Variants in ITGAL observed in about 807,000 individuals in gnomAD.
ITGAL encodes the protein integrin subunit alpha L.
Under a neutral mutation model 138.4 loss-of-function variants are expected in ITGAL, and 68 were observed. The ratio of observed to expected loss-of-function variants is 0.49; its 90% CI spans 0.40 to 0.60. The LOEUF is 0.60. Ranked by LOEUF, ITGAL falls within the 20% of genes least tolerant of loss-of-function variation. The pLI is 0.00. For synonymous variants in ITGAL, 561 were observed against 584.3 expected, an observed-to-expected ratio of 0.96 and a Z score of 0.57; for missense variants, 1,256 against 1,478.6, an observed-to-expected ratio of 0.85 and a Z score of 2.47.
chr16:30,505,379 G>T lies in ITGAL; in HGVS notation c.2293-10G>T, dbSNP rs751799426. ...CTGAGCCTGTTACTCCTTTCTTCTT[G>T]GTGTTTCAGATCCCTTTTGAGAAGA... On this transcript the variant is annotated splice_polypyrimidine_tract_variant and intron_variant, in intron 19 of 30. Coordinates refer to ENST00000356798, the MANE Select transcript of ITGAL (RefSeq NM_002209.3). The T allele has an allele frequency of 6.8e-6, 11 of 1,613,948 alleles. No homozygotes were observed. In the East Asian group the frequency reaches 2.5e-4, roughly 36 times the overall value.
chr16:30,503,985 G>A (rs1464674329), intron 17 of ITGAL, 190 bp from the exon 18 acceptor site: 1 of 524,218 alleles, frequency 1.9e-6, no homozygotes, highest in South Asian at 2.3e-5. Flanking sequence ...GATGATAACT[G>A]TGCTGAGAAG....
At chr16:30,476,903 G>C (rs145582121) in intron 4 of ITGAL, among the ~76,000 whole-genome samples, 58 of 152,162 alleles carry the variant, frequency 3.8e-4, no homozygotes, top group African/African-American at 1.3e-3. Context: ...CAAAATGCTG[G>C]GATTACAGGC....
chr16:30,521,798 C>A lies in ITGAL; in HGVS notation c.*133C>A. The A allele has an allele frequency of 1.2e-6, 1 of 838,334 alleles. No individual in the cohort carries two copies. Among genetic ancestry groups the A allele is most frequent in the Non-Finnish European group, 1.8e-6 (1 of 552,400 alleles). 51.9% of individuals were successfully genotyped at this position (838,334 alleles called of 1,614,324 possible). A position where few individuals can be genotyped will look rare whatever the true frequency, so the allele number is the denominator to read the frequency against. On this transcript the variant is annotated 3_prime_UTR_variant, in exon 31 of 31. Coordinates refer to ENST00000356798, the MANE Select transcript of ITGAL (RefSeq NM_002209.3). ...TCCCTGGCCCTCAGTTTCCCTATCT[C>A]GAACATGGAACTCATTCCTGCCTGT...
At chr16:30,485,687 TTTTTTTTTGTA>T (rs1215678328) in intron 9 of ITGAL, among the ~76,000 whole-genome samples, 234 of 151,738 alleles carry the variant, frequency 1.5e-3, no homozygotes, top group African/African-American at 4.9e-3. Context: ...AATTTTTTTT[TTTTTTTTTGTA>T]TTTTTTGTAT....
chr16:30,473,384 G>A (rs536406832), intron 1 of ITGAL, among the ~76,000 whole-genome samples: 22 of 152,360 alleles, frequency 1.4e-4, no homozygotes, highest in African/African-American at 4.8e-4. Context: ...AGTGAGCCAA[G>A]CTCGTGCCAA....
chr16:30,488,983 C>T, intron 9 of ITGAL, 99 bp from the exon 10 acceptor site: 3 of 1,017,118 alleles, frequency 2.9e-6, no homozygotes, highest in Non-Finnish European at 4.7e-6. Context: ...TCTACCTTAC[C>T]CAGAAGTAAA....
At chr16:30,495,558 G>A (rs1048282680) in intron 13 of ITGAL, among the ~76,000 whole-genome samples, 2 of 152,114 alleles carry the variant, frequency 1.3e-5, no homozygotes, top group African/African-American at 2.4e-5. Context: ...CCTGGGGTGC[G>A]GTGGCTCATG....
At chr16:30,495,411 G>A (rs543261503) in intron 13 of ITGAL, among the ~76,000 whole-genome samples, 4 of 152,206 alleles carry the variant, frequency 2.6e-5, no homozygotes, top group South Asian at 2.1e-4. Context: ...CACCCGCCTC[G>A]GCCTCCCAAA....
In ITGAL at chr16:30,517,822, G is replaced by A. The variant is rs59353760; in HGVS notation, c.3059G>A (p.Arg1020His). ...AEPCLPGALF[R>H]CPVVFRQEIL... ...CCTTGTCTCCCCGGAGCCCTGTTCCGCTGCCCTGTTGTCTTCAGGCAGGAG... is the reference window on the plus strand; with the variant it reads ...CCTTGTCTCCCCGGAGCCCTGTTCCACTGCCCTGTTGTCTTCAGGCAGGAG... The change falls in exon 28 of 31, where the codon CGC (arginine) becomes CAC (histidine). Residue 1020 changes from arginine to histidine, a missense_variant. Around this residue, in one of 3 missense-constraint regions of ITGAL, gnomAD observed 867 missense variants for 972.5 expected, o/e 0.89. Coordinates refer to ENST00000356798, the MANE Select transcript of ITGAL (RefSeq NM_002209.3). 2,551 of 1,614,118 alleles carry A rather than the reference G, an allele frequency of 1.6e-3. 35 individuals are homozygous for A. The African/African-American group carries it at 0.028, about 18-fold the overall frequency.
At chr16:30,478,200 G>C (rs1361014382) in intron 4 of ITGAL, among the ~76,000 whole-genome samples, 1 of 151,296 alleles carries the variant, frequency 6.6e-6, no homozygotes, top group Non-Finnish European at 1.5e-5. Flanking sequence ...TGGGCGTGGT[G>C]GTGGGCACCT....
At chr16:30,500,560 T>A (rs990288559) in intron 17 of ITGAL, among the ~76,000 whole-genome samples, 3 of 151,676 alleles carry the variant, frequency 2.0e-5, no homozygotes, top group Non-Finnish European at 2.9e-5. Context: ...ATTAAAAAAA[T>A]TTTTTTAGAG....
chr16:30,499,100 C>T lies in ITGAL; in HGVS notation c.1859C>T (p.Thr620Ile). The T allele has an allele frequency of 6.2e-7, 1 of 1,614,058 alleles. No individual in the cohort carries two copies. Among genetic ancestry groups the T allele is most frequent in the Non-Finnish European group, 8.5e-7 (1 of 1,180,018 alleles). The change falls in exon 16 of 31, where the codon ACC becomes ATC. Residue 620 changes from threonine (T) to isoleucine (I), a missense_variant. This residue lies in a region of ITGAL where 867 missense variants were observed against 972.5 expected (regional missense o/e 0.89). Coordinates refer to ENST00000356798, the MANE Select transcript of ITGAL (RefSeq NM_002209.3). ...TCCCGGCCCGTGGTGGATATGGTCA[C>T]CCTGATGTCCTTCTCTCCAGCTGAG... ...LSSRPVVDMV[T>I]LMSFSPAEIP...
intron 7 of ITGAL, among the ~76,000 whole-genome samples, chr16:30,482,930 G>A (rs1263639533): frequency 2.6e-5 from 4 of 152,046 alleles, no homozygotes; most frequent in Non-Finnish European, 4.4e-5. Flanking sequence ...GGGCTCAAGC[G>A]ATCCTCCTGT....
rs193227104 is a variant in ITGAL, at chr16:30,496,537, G to T, written c.1803G>T (p.Val601=). The part of the protein sequence containing the change: ...LEGDGLADVA[V]GAESQMIVLS... The stretch of plus-strand genomic sequence containing the variant: ...GGGATGGCTTGGCAGATGTGGCTGT[G>T]GGGGCTGAGAGCCAGATGATCGTGC... Residue 601 remains valine, a synonymous_variant, in exon 15 of 31, where the codon GTG becomes GTT. Coordinates refer to ENST00000356798, the MANE Select transcript of ITGAL (RefSeq NM_002209.3). The T allele has an allele frequency of 6.2e-6, 10 of 1,613,832 alleles. No homozygotes were observed. The highest frequency in any genetic ancestry group is 4.0e-5 in the African/African-American group (3 of 74,946).
At chr16:30,499,733 A>ATACGTATATATATATATATATATATTTT in intron 17 of ITGAL, among the ~76,000 whole-genome samples, 6 of 88,378 alleles carry the variant, frequency 6.8e-5, no homozygotes, top group African/African-American at 2.4e-4. Context: ...ATATATATAT[A>ATACGTATATATATATATATATATATTTT]TTTTTTTTTT....
At chr16:30,479,501 A>C in intron 6 of ITGAL, 40 bp downstream of exon 6, 1 of 1,594,492 alleles carries the variant, frequency 6.3e-7, no homozygotes, top group Non-Finnish European at 8.6e-7. Flanking sequence ...CATGCAATAG[A>C]TGCCTACCTG....
chr16:30,505,516 C>T (rs2050974350), intron 20 of ITGAL, 54 bp downstream of exon 20: 2 of 1,273,748 alleles, frequency 1.6e-6, no homozygotes, highest in Non-Finnish European at 2.3e-6. Context: ...TTAAGACCCC[C>T]CACTCCACTC....
intron 21 of ITGAL, among the ~76,000 whole-genome samples, chr16:30,509,990 G>A (rs1441221862): frequency 4.0e-5 from 6 of 151,586 alleles, no homozygotes; most frequent in Non-Finnish European, 5.9e-5. Flanking sequence ...AGTGACCCGA[G>A]ATCGCACCAT....
chr16:30,475,744 T>TTC (rs1408493920), intron 4 of ITGAL, among the ~76,000 whole-genome samples, 164 bp downstream of exon 4: 23 of 142,450 alleles, frequency 1.6e-4, no homozygotes, highest in Middle Eastern at 3.5e-3. Context: ...CTTTTTTTTT[T>TTC]TTTTTTTTTT....
Sources: allele counts gnomAD v4.1 joint callset (sites outside exome capture counted in the v4.1 genomes callset), GRCh38; gene constraint gnomAD v4.1.1; regional missense constraint gnomAD v4.1.1; transcripts MANE v1.5; gene names NCBI Gene and HGNC (gene_info 2026-07-23, HGNC 2026-07-21).